The following CPNE8 variants were observed in gnomAD, a reference collection of about 807,000 sequenced individuals.
The protein encoded by CPNE8 is copine 8.
Under a neutral mutation model 81.5 loss-of-function variants are expected in CPNE8, and 45 were observed. The observed-to-expected ratio is 0.55, with a 90% CI of 0.44 to 0.71. The LOEUF is 0.71. Among genes scored for constraint, CPNE8 ranks in the 30% least tolerant of loss-of-function variants. The pLI, the probability that CPNE8 is intolerant of heterozygous loss-of-function variation, is 0.00. For missense variants in CPNE8, 594 were observed against 672.1 expected, an observed-to-expected ratio of 0.88 and a Z score of 1.28; for synonymous variants, 252 against 226.3, an observed-to-expected ratio of 1.11 and a Z score of -1.02.
chr12:38,700,781 C>T (rs1939922196), intron 14 of CPNE8, among the ~76,000 whole-genome samples: 10 of 152,110 alleles, frequency 6.6e-5, no homozygotes. Context: ...CTTTCCCATA[C>T]TGTTCTCATA....
chr12:38,653,624 A>AAAAAAAAAG lies in CPNE8; in HGVS notation c.*257_*258insCTTTTTTTT. The AAAAAAAAAG allele has an allele frequency of 3.5e-6, 1 of 287,348 alleles. No homozygotes were observed. Among genetic ancestry groups the AAAAAAAAAG allele is most frequent in the African/African-American group, 2.1e-5 (1 of 47,230 alleles). The allele number at this position is 287,348 out of a possible 1,614,324, so 17.8% of individuals were successfully genotyped here. A position where few individuals can be genotyped will look rare whatever the true frequency, so the allele number is the denominator to read the frequency against. On this transcript the variant is annotated 3_prime_UTR_variant, in exon 20 of 20. Transcript: ENST00000331366. ...GAAATTAGCTGTTTCTGTTAAAAAA[A>AAAAAAAAAG]AAAAGAAAGAAAGATTTAGAGAAGA...
upstream of CPNE8, chr12:38,905,620 G>A: frequency 1.3e-6 from 2 of 1,520,394 alleles, no homozygotes; most frequent in Non-Finnish European, 1.8e-6. Context: ...GGCGGGGATG[G>A]GGGTTGAGGG....
At chr12:38,747,647 G>A (rs1044279478) in intron 10 of CPNE8, among the ~76,000 whole-genome samples, 10 of 152,002 alleles carry the variant, frequency 6.6e-5, no homozygotes, top group Admixed American at 5.9e-4. Context: ...CAATATAGTA[G>A]ACATTAGCCA....
chr12:38,846,048 A>G (rs1943554804), intron 4 of CPNE8, among the ~76,000 whole-genome samples: 1 of 152,216 alleles, frequency 6.6e-6, no homozygotes, highest in South Asian at 2.1e-4. Context: ...AAGTTAAAAT[A>G]TATCCATTTA....
chr12:38,902,389 GAA>G (rs1202603304), intron 1 of CPNE8, among the ~76,000 whole-genome samples: 1 of 75,450 alleles, frequency 1.3e-5, no homozygotes, highest in African/African-American at 7.2e-5. Flanking sequence ...AGAAAAGAAA[GAA>G]AGAGAAAGAA....
intron 6 of CPNE8, among the ~76,000 whole-genome samples, chr12:38,811,560 A>G (rs1317401239): frequency 1.3e-5 from 2 of 152,220 alleles, no homozygotes; most frequent in Non-Finnish European, 2.9e-5. Context: ...TAATTGTTTA[A>G]AAGACATGTA....
chr12:38,857,478 C>G (rs1943760555), intron 3 of CPNE8, among the ~76,000 whole-genome samples: 1 of 146,454 alleles, frequency 6.8e-6, no homozygotes, highest in Non-Finnish European at 1.5e-5. Context: ...TATTTCTTTA[C>G]TTTATCAATG....
At chr12:38,721,639 T>G (rs1376305838) in intron 13 of CPNE8, among the ~76,000 whole-genome samples, 2 of 152,232 alleles carry the variant, frequency 1.3e-5, no homozygotes, top group Non-Finnish European at 2.9e-5. Flanking sequence ...CAAGCAGGGC[T>G]GAAACCTGCC....
At chr12:38,863,041 T>C (rs1772378610) in intron 3 of CPNE8, among the ~76,000 whole-genome samples, 1 of 151,910 alleles carries the variant, frequency 6.6e-6, no homozygotes, top group Non-Finnish European at 1.5e-5. Flanking sequence ...GAGATAACCA[T>C]CAAAGGCAGA....
chr12:38,795,994 G>A (rs1273185603), intron 6 of CPNE8, among the ~76,000 whole-genome samples: 1 of 152,070 alleles, frequency 6.6e-6, no homozygotes, highest in Non-Finnish European at 1.5e-5. Context: ...AGGAACGGTG[G>A]TCACGCCTGT....
At chr12:38,791,205 T>C (rs1392011729) in intron 6 of CPNE8, among the ~76,000 whole-genome samples, 1 of 151,626 alleles carries the variant, frequency 6.6e-6, no homozygotes, top group African/African-American at 2.4e-5. Context: ...AAGGAGTCAC[T>C]TGAACTCAGA....
chr12:38,687,370 CTTTCTTTTTTTTT>C (rs1278557366), intron 15 of CPNE8, among the ~76,000 whole-genome samples: 4 of 95,494 alleles, frequency 4.2e-5, no homozygotes, highest in Non-Finnish European at 6.4e-5. Context: ...AATGCCAAGA[CTTTCTTTTTTTTT>C]TTTTTTTTTT....
intron 6 of CPNE8, among the ~76,000 whole-genome samples, chr12:38,802,582 C>A: frequency 7.2e-6 from 1 of 138,392 alleles, no homozygotes; most frequent in Non-Finnish European, 1.6e-5. Context: ...GACACCCTAA[C>A]ATCACAATTA....
intron 8 of CPNE8, among the ~76,000 whole-genome samples, chr12:38,765,150 G>A (rs1211693733): frequency 6.6e-6 from 1 of 152,132 alleles, no homozygotes; most frequent in Non-Finnish European, 1.5e-5. Context: ...TAATGTATTA[G>A]ATATCATATA....
chr12:38,802,884 C>G (rs889068385), intron 6 of CPNE8, among the ~76,000 whole-genome samples: 6 of 148,442 alleles, frequency 4.0e-5, no homozygotes, highest in African/African-American at 1.3e-4. Context: ...AACACCTCTA[C>G]GCAAATAAAC....
chr12:38,857,801 C>T (rs1943768381), intron 3 of CPNE8, among the ~76,000 whole-genome samples: 1 of 152,108 alleles, frequency 6.6e-6, no homozygotes, highest in Admixed American at 6.5e-5. Context: ...GAGGCTGAGG[C>T]AGGAGAATTG....
intron 6 of CPNE8, among the ~76,000 whole-genome samples, chr12:38,801,849 G>A (rs1451016397): frequency 1.0e-5 from 1 of 98,848 alleles, no homozygotes; most frequent in African/African-American, 3.5e-5. Context: ...AAAGGCAGGG[G>A]TTGCAATCCT....
chr12:38,715,615 AC>A (rs547278011), intron 13 of CPNE8, among the ~76,000 whole-genome samples: 66 of 152,212 alleles, frequency 4.3e-4, no homozygotes, highest in Non-Finnish European at 8.1e-4. Flanking sequence ...AAATCCCTCA[AC>A]AAAATAAGCA....
chr12:38,890,254 C>A (rs1177408219), intron 1 of CPNE8, among the ~76,000 whole-genome samples: 16 of 152,086 alleles, frequency 1.1e-4, no homozygotes, highest in Admixed American at 1.0e-3. Context: ...GGGATGACAA[C>A]ATTTTAGGCT....
Sources: gnomAD v4.1 joint callset for allele counts (sites outside exome capture counted in the v4.1 genomes callset) on GRCh38, gnomAD v4.1.1 for gene constraint, MANE v1.5 for transcripts, NCBI Gene and HGNC (gene_info 2026-07-23, HGNC 2026-07-21) for gene names.